The following TRIO variants were observed in gnomAD, a reference collection of about 807,000 sequenced individuals.
The protein encoded by TRIO is trio Rho guanine nucleotide exchange factor.
In TRIO, 58 loss-of-function variants were observed where a neutral mutation model predicts 351.9. The observed-to-expected ratio is 0.16, with a 90% CI of 0.13 to 0.21. TRIO has a LOEUF of 0.21. Ranked by LOEUF, TRIO falls within the 10% of genes least tolerant of loss-of-function variation. The pLI is 1.00. For missense variants in TRIO, 3,201 were observed against 4,027.8 expected, an observed-to-expected ratio of 0.79 and a Z score of 5.56; for synonymous variants, 1,758 against 1,595.7, an observed-to-expected ratio of 1.10 and a Z score of -2.42.
chr5:14,157,442 C>CCT (rs571633492), intron 1 of TRIO, among the ~76,000 whole-genome samples: 1 of 138,806 alleles, frequency 7.2e-6, no homozygotes, highest in African/African-American at 2.7e-5. Context: ...TCCCTGTCTC[C>CCT]CTCTCTCTCC....
intron 1 of TRIO, among the ~76,000 whole-genome samples, chr5:14,173,190 CTTTTTTTTT>C (rs758636385): frequency 2.1e-4 from 14 of 66,516 alleles, no homozygotes; most frequent in South Asian, 5.4e-4. Flanking sequence ...TTGTATGTTC[CTTTTTTTTT>C]TTTTTTTTTT....
At chr5:14,378,178 C>T in intron 20 of TRIO, 51 bp downstream of exon 20, 1 of 1,375,070 alleles carries the variant, frequency 7.3e-7, no homozygotes. Flanking sequence ...GTGCTCACAC[C>T]TGTCTCCACA....
At chr5:14,382,133 G>A (rs1472066912) in intron 21 of TRIO, among the ~76,000 whole-genome samples, 1 of 152,202 alleles carries the variant, frequency 6.6e-6, no homozygotes, top group African/African-American at 2.4e-5. Flanking sequence ...TATTTCAAAT[G>A]TATAAGAGTG....
At chr5:14,494,431 A>C (rs971735497) in intron 49 of TRIO, among the ~76,000 whole-genome samples, 3 of 152,230 alleles carry the variant, frequency 2.0e-5, no homozygotes, top group African/African-American at 4.8e-5. Context: ...CGTACTGCTC[A>C]GAAAACAAAA....
chr5:14,217,933 A>C (rs1350596271), intron 1 of TRIO, among the ~76,000 whole-genome samples: 1 of 152,250 alleles, frequency 6.6e-6, no homozygotes, highest in African/African-American at 2.4e-5. Context: ...ATAGTAAAAG[A>C]ATAACATACA....
chr5:14,461,000 C>T lies in TRIO; in HGVS notation c.5204-19C>T. The T allele has an allele frequency of 6.5e-7, 1 of 1,540,314 alleles. No individual in the cohort carries two copies. Among genetic ancestry groups the T allele is most frequent in the East Asian group, 2.4e-5 (1 of 41,958 alleles). On this transcript the variant is annotated intron_variant, in intron 34 of 56. Transcript: ENST00000344204. Reference sequence around the variant, plus strand: ...GGTCTGTGCGAGTCAGTGATACTCCCTCTCTTTCTCCCTGGCAGACTCGCT... The same window carrying T: ...GGTCTGTGCGAGTCAGTGATACTCCTTCTCTTTCTCCCTGGCAGACTCGCT...
At chr5:14,145,171 A>G (rs1787427867) in intron 1 of TRIO, among the ~76,000 whole-genome samples, 2 of 152,064 alleles carry the variant, frequency 1.3e-5, no homozygotes, top group South Asian at 2.1e-4. Flanking sequence ...CTCTTTGAAA[A>G]TCACCTCCCC....
intron 33 of TRIO, among the ~76,000 whole-genome samples, chr5:14,410,411 A>G (rs1404142723): frequency 6.6e-6 from 1 of 152,152 alleles, no homozygotes; most frequent in African/African-American, 2.4e-5. Context: ...TCCTTTCCCT[A>G]GTCAGTCTGC....
Position 14,485,052 on chromosome 5 carries a change from G to GTTTT in TRIO, c.6658-7_6658-4dup. 4 of 1,347,940 alleles carry GTTTT rather than the reference G, an allele frequency of 3.0e-6. No homozygotes were observed. Among genetic ancestry groups the GTTTT allele is most frequent in the South Asian group, 1.5e-5 (1 of 66,512 alleles). 83.5% of individuals were successfully genotyped at this position (1,347,940 alleles called of 1,614,324 possible). A position where few individuals can be genotyped will look rare whatever the true frequency, so the allele number is the denominator to read the frequency against. ...CCACCTGTTAGCTATTATGAATAATGTTTTTTTTTTTTTAAGGTGAGTTGC... is the reference window on the plus strand; with the variant it reads ...CCACCTGTTAGCTATTATGAATAATGTTTTTTTTTTTTTTTTTAAGGTGAGTTGC... On this transcript the variant is annotated splice_polypyrimidine_tract_variant and intron_variant, in intron 46 of 56. Transcript: ENST00000344204.
chr5:14,329,849 T>C (rs1740746761), intron 9 of TRIO, among the ~76,000 whole-genome samples: 1 of 152,212 alleles, frequency 6.6e-6, no homozygotes. Flanking sequence ...CGCCCACATA[T>C]ACCAAAACCT....
intron 8 of TRIO, among the ~76,000 whole-genome samples, chr5:14,308,672 TCC>T (rs1738610981): frequency 8.7e-6 from 1 of 114,330 alleles, no homozygotes; most frequent in Admixed American, 8.0e-5. Context: ...CATCCATCCA[TCC>T]ATCCATCCAT....
chr5:14,263,777 G>A (rs1003479600), intron 1 of TRIO, among the ~76,000 whole-genome samples: 13 of 152,208 alleles, frequency 8.5e-5, no homozygotes, highest in Admixed American at 4.6e-4. Context: ...ATGTATATAT[G>A]TAGATAAGGG....
intron 11 of TRIO, among the ~76,000 whole-genome samples, chr5:14,354,308 T>A (rs965314657): frequency 7.2e-5 from 11 of 152,212 alleles, no homozygotes; most frequent in African/African-American, 1.2e-4. Context: ...AGGCTTTTTT[T>A]AAAAAAGCGT....
At chr5:14,403,141 G>A (rs1459714002) in intron 31 of TRIO, among the ~76,000 whole-genome samples, 11 of 126,586 alleles carry the variant, frequency 8.7e-5, no homozygotes, top group Non-Finnish European at 6.9e-5. Flanking sequence ...GAGGGTGCAG[G>A]TTGTGGTGGT....
intron 34 of TRIO, among the ~76,000 whole-genome samples, chr5:14,424,459 T>C (rs1750471382): frequency 6.6e-6 from 1 of 152,144 alleles, no homozygotes; most frequent in East Asian, 1.9e-4. Flanking sequence ...AAGTTCAGAG[T>C]ATGAGTCATC....
chr5:14,474,189 A>G lies in TRIO; in HGVS notation c.6083+92A>G, dbSNP rs1420388558. 6 of 1,256,608 alleles carry G rather than the reference A, an allele frequency of 4.8e-6. No individual in the cohort carries two copies. The African/African-American group carries it at 8.8e-5, about 18-fold the overall frequency. The allele number at this position is 1,256,608 out of a possible 1,614,324, so 77.8% of individuals were successfully genotyped here. A position where few individuals can be genotyped will look rare whatever the true frequency, so the allele number is the denominator to read the frequency against. On this transcript the variant is annotated intron_variant, in intron 40 of 56. Transcript: ENST00000344204. ...AGGCCAAAGGGAATTTATTCTGTTCATCGTATTACCTGTGTAGCCTCCTGG... is the reference window on the plus strand; with the variant it reads ...AGGCCAAAGGGAATTTATTCTGTTCGTCGTATTACCTGTGTAGCCTCCTGG...
chr5:14,411,736 C>G (rs944528467), intron 33 of TRIO, among the ~76,000 whole-genome samples: 3 of 151,954 alleles, frequency 2.0e-5, no homozygotes, highest in African/African-American at 7.3e-5. Context: ...CCCCAGGTAG[C>G]TAGGACCATA....
At chr5:14,431,617 T>C (rs1302773688) in intron 34 of TRIO, among the ~76,000 whole-genome samples, 2 of 152,236 alleles carry the variant, frequency 1.3e-5, no homozygotes, top group Non-Finnish European at 2.9e-5. Context: ...ATAGATGTGT[T>C]TCCTACTGTC....
At chr5:14,366,000 G>C (rs1192253784) in intron 15 of TRIO, among the ~76,000 whole-genome samples, 1 of 152,186 alleles carries the variant, frequency 6.6e-6, no homozygotes, top group Non-Finnish European at 1.5e-5. Flanking sequence ...CATTACTGTA[G>C]CCAAGCTGTA....
Sources: gnomAD v4.1 joint callset for allele counts (sites outside exome capture counted in the v4.1 genomes callset) on GRCh38, gnomAD v4.1.1 for gene constraint, MANE v1.5 for transcripts, NCBI Gene and HGNC (gene_info 2026-07-23, HGNC 2026-07-21) for gene names.